Variants in RBBP7 observed in about 807,000 individuals in gnomAD.
RBBP7 encodes the protein RB binding protein 7, chromatin remodeling factor.
In RBBP7, 5 loss-of-function variants were observed where a neutral mutation model predicts 35.2. That is an observed-to-expected ratio of 0.14 (90% confidence interval 0.07 to 0.30). The LOEUF (loss-of-function observed/expected upper bound fraction) is 0.30, where lower values mean the gene tolerates loss of function less well. Ranked by LOEUF, RBBP7 falls within the 10% of genes least tolerant of loss-of-function variation. RBBP7 has a pLI of 1.00. For missense variants in RBBP7, 155 were observed against 327.5 expected (o/e 0.47, Z 4.07); for synonymous variants, 140 against 118.7 (o/e 1.18, Z -1.17).
chrX:16,862,833 T>C, intron 3 of RBBP7, 122 bp downstream of exon 3: 3 of 803,372 alleles, frequency 3.7e-6, no homozygotes, highest in Admixed American at 6.1e-5. Flanking sequence ...GGAAGTTCTG[T>C]AGAATAAAGT....
intron 2 of RBBP7, among the ~76,000 whole-genome samples, chrX:16,865,227 A>C (rs1443350916): frequency 9.0e-6 from 1 of 111,023 alleles, no homozygotes; most frequent in Non-Finnish European, 1.9e-5. Flanking sequence ...TCCACAAAAA[A>C]CAAAAAACAC....
chrX:16,862,005 G>T (rs1930487801), intron 3 of RBBP7, among the ~76,000 whole-genome samples: 1 of 111,684 alleles, frequency 9.0e-6, no homozygotes, highest in Admixed American at 9.5e-5. Flanking sequence ...AGTTACAGTT[G>T]CTGTGGCTGG....
At chrX:16,861,010 C>G (rs903086726) in intron 3 of RBBP7, among the ~76,000 whole-genome samples, 1 of 110,939 alleles carries the variant, frequency 9.0e-6, no homozygotes, top group Non-Finnish European at 1.9e-5. Flanking sequence ...CCAGTCTCTA[C>G]TAAAAATACA....
At chrX:16,855,088 T>C (rs1421043159) in intron 5 of RBBP7, among the ~76,000 whole-genome samples, 1 of 106,322 alleles carries the variant, frequency 9.4e-6, no homozygotes, top group Non-Finnish European at 1.9e-5. Flanking sequence ...CTCACTCTCT[T>C]GCCTAGGCTG....
chrX:16,869,392 A>G, intron 1 of RBBP7, 172 bp from the exon 2 acceptor site: 6 of 1,060,341 alleles, frequency 5.7e-6, no homozygotes, highest in Admixed American at 3.2e-5. Context: ...ACAATCAGGA[A>G]GCCTATTTTT....
chrX:16,858,860 G>A lies in RBBP7; in HGVS notation c.308-11C>T, dbSNP rs369525992. The A allele has an allele frequency of 1.7e-5, 20 of 1,206,258 alleles. No individual in the cohort carries two copies. In the African/African-American group the frequency reaches 2.5e-4, roughly 15 times the overall value. On this transcript the variant is annotated splice_polypyrimidine_tract_variant and intron_variant, in intron 3 of 11. Coordinates refer to ENST00000380087, the MANE Select transcript of RBBP7 (RefSeq NM_002893.4). ...CAAAGCCACCAAATTCTAATGTGAG[G>A]AGAAAGAAACACACACACACACACT...
At chrX:16,859,659 G>T (rs1324118487) in intron 3 of RBBP7, among the ~76,000 whole-genome samples, 3 of 111,800 alleles carry the variant, frequency 2.7e-5, no homozygotes, top group Non-Finnish European at 5.6e-5. Flanking sequence ...AAGATAGGAG[G>T]GTTCACATTA....
In RBBP7 at chrX:16,849,235, A is replaced by C. The variant is rs771829753; in HGVS notation, c.1098+9T>G. On this transcript the variant is annotated intron_variant, in intron 10 of 11. Transcript: ENST00000380087. ...TATGACATTTCATCTTCTATAAGCCAATGCGTACCAGGAGTTCTGGAGGCC... is the reference window on the plus strand; with the variant it reads ...TATGACATTTCATCTTCTATAAGCCCATGCGTACCAGGAGTTCTGGAGGCC... The C allele has an allele frequency of 3.3e-6, 4 of 1,205,302 alleles. No homozygotes were observed. The highest frequency in any genetic ancestry group is 2.3e-4 in the Middle Eastern group (1 of 4,364).
intron 2 of RBBP7, among the ~76,000 whole-genome samples, chrX:16,865,523 C>G (rs1930593656): frequency 8.9e-6 from 1 of 112,026 alleles, no homozygotes; most frequent in African/African-American, 3.2e-5. Flanking sequence ...ACTTGATCAT[C>G]ATATGAGGAC....
intron 10 of RBBP7, chrX:16,848,175 G>C (rs926833843): frequency 9.0e-6 from 1 of 111,622 alleles, no homozygotes; most frequent in Non-Finnish European, 1.9e-5. Flanking sequence ...GATAGCTATA[G>C]TTTCTTTTGG....
intron 9 of RBBP7, among the ~76,000 whole-genome samples, chrX:16,849,814 C>CTGTT (rs1400947421): frequency 1.8e-5 from 2 of 112,255 alleles, no homozygotes; most frequent in African/African-American, 6.5e-5. Context: ...CACTCAAAGC[C>CTGTT]TGTTGCATCC....
At chrX:16,859,791 G>A (rs1930424686) in intron 3 of RBBP7, among the ~76,000 whole-genome samples, 1 of 111,462 alleles carries the variant, frequency 9.0e-6, no homozygotes, top group African/African-American at 3.3e-5. Context: ...CAGGTAAGAA[G>A]TAAAATAGAC....
Position 16,844,863 on chromosome X carries a change from T to C in RBBP7, c.*172A>G. The C allele has an allele frequency of 2.7e-6, 1 of 370,375 alleles. No individual in the cohort carries two copies. The highest frequency in any genetic ancestry group is 4.7e-6 in the Non-Finnish European group (1 of 210,628). 30.5% of individuals were successfully genotyped at this position (370,375 alleles called of 1,213,427 possible). ...CAACATTCTTCTCTTCCCTAATAGC[T>C]ACAATATGATACAGTACGCAACAGC... On this transcript the variant is annotated 3_prime_UTR_variant, in exon 12 of 12. Coordinates refer to ENST00000380087, the MANE Select transcript of RBBP7 (RefSeq NM_002893.4).
intron 3 of RBBP7, among the ~76,000 whole-genome samples, chrX:16,860,090 C>T (rs1256679320): frequency 9.1e-6 from 1 of 109,637 alleles, no homozygotes; most frequent in Non-Finnish European, 1.9e-5. Context: ...AAGAAATGTG[C>T]CTCGGCATGC....
chrX:16,861,002 A>G (rs1443227790), intron 3 of RBBP7, among the ~76,000 whole-genome samples: 1 of 110,981 alleles, frequency 9.0e-6, no homozygotes, highest in Non-Finnish European at 1.9e-5. Context: ...GACAAAACCC[A>G]GTCTCTACTA....
At chrX:16,861,248 C>T (rs1930471154) in intron 3 of RBBP7, among the ~76,000 whole-genome samples, 1 of 112,479 alleles carries the variant, frequency 8.9e-6, no homozygotes, top group South Asian at 3.6e-4. Flanking sequence ...GGGGAATGAA[C>T]AGTAAATTGT....
At chrX:16,860,691 A>G (rs1161551048) in intron 3 of RBBP7, among the ~76,000 whole-genome samples, 1 of 109,339 alleles carries the variant, frequency 9.1e-6, no homozygotes, top group Non-Finnish European at 1.9e-5. Flanking sequence ...AAAAGAAAAA[A>G]AAAAAGAAAA....
At chrX:16,845,151 C>T in intron 11 of RBBP7, 48 bp from the exon 12 acceptor site, 1 of 893,060 alleles carries the variant, frequency 1.1e-6, no homozygotes, top group Non-Finnish European at 1.6e-6. Context: ...CTATGGTTTT[C>T]ACATGGTCAT....
chrX:16,864,293 G>A (rs1339128569), intron 2 of RBBP7, among the ~76,000 whole-genome samples: 1 of 110,691 alleles, frequency 9.0e-6, no homozygotes, highest in Admixed American at 9.6e-5. Context: ...GCCAAGGCAG[G>A]CGGATCACCT....
Sources: gnomAD v4.1 joint callset for allele counts (sites outside exome capture counted in the v4.1 genomes callset) on GRCh38, gnomAD v4.1.1 for gene constraint, MANE v1.5 for transcripts, NCBI Gene and HGNC (gene_info 2026-07-23, HGNC 2026-07-21) for gene names.